The following IGF2BP2 variants were observed in gnomAD, a reference collection of about 807,000 sequenced individuals.
IGF2BP2 encodes the protein insulin like growth factor 2 mRNA binding protein 2.
Under a neutral mutation model 75.8 loss-of-function variants are expected in IGF2BP2, and 17 were observed. The ratio of observed to expected loss-of-function variants is 0.22; its 90% CI spans 0.15 to 0.34. IGF2BP2 has a LOEUF of 0.34. IGF2BP2 is among the 10% of genes least tolerant of loss of function. The pLI, the probability that IGF2BP2 is intolerant of heterozygous loss-of-function variation, is 1.00. For missense variants in IGF2BP2, 516 were observed against 772.4 expected, an observed-to-expected ratio of 0.67 and a Z score of 3.93; for synonymous variants, 288 against 295.6, an observed-to-expected ratio of 0.97 and a Z score of 0.26.
chr3:185,732,495 C>T (rs1380744662), intron 2 of IGF2BP2, among the ~76,000 whole-genome samples: 1 of 152,104 alleles, frequency 6.6e-6, no homozygotes, highest in Non-Finnish European at 1.5e-5. Context: ...TGGTGTGAAA[C>T]CTGAAACTGT....
intron 15 of IGF2BP2, among the ~76,000 whole-genome samples, chr3:185,646,620 C>T (rs1418967876): frequency 1.3e-5 from 2 of 152,142 alleles, no homozygotes; most frequent in African/African-American, 2.4e-5. Flanking sequence ...TAGTCTTTCA[C>T]AGGGAGTGCT....
chr3:185,822,992 A>T (rs928125920), intron 2 of IGF2BP2, among the ~76,000 whole-genome samples, 161 bp downstream of exon 2: 1 of 145,640 alleles, frequency 6.9e-6, no homozygotes, highest in African/African-American at 2.5e-5. Context: ...AATGAAAGTA[A>T]AAAAAAAAAA....
intron 2 of IGF2BP2, among the ~76,000 whole-genome samples, chr3:185,756,581 C>T (rs914791073): frequency 6.6e-6 from 1 of 152,160 alleles, no homozygotes; most frequent in Non-Finnish European, 1.5e-5. Context: ...TATTACCCAA[C>T]ACCTAAACAT....
Position 185,645,752 on chromosome 3 carries a change from C to T in IGF2BP2, c.1708-129G>A. The T allele has an allele frequency of 5.8e-6, 4 of 687,568 alleles. No homozygotes were observed. Among genetic ancestry groups the T allele is most frequent in the Non-Finnish European group, 1.1e-5 (4 of 378,736 alleles). 42.6% of individuals were successfully genotyped at this position (687,568 alleles called of 1,614,324 possible). On this transcript the variant is annotated intron_variant, in intron 15 of 15. Coordinates refer to ENST00000382199, the MANE Select transcript of IGF2BP2 (RefSeq NM_006548.6). This position sits in a 1 kb window ranked among gnomAD's most constrained non-coding sequence, Gnocchi z 4.9. ...GAATGCTCAGACAAGCATCATCTAC[C>T]CACCCCCGCACGTTACTCCAGGCCC...
At chr3:185,781,563 C>A (rs890210451) in intron 2 of IGF2BP2, among the ~76,000 whole-genome samples, 15 of 152,142 alleles carry the variant, frequency 9.9e-5, no homozygotes, top group African/African-American at 3.4e-4. Context: ...TAAAATAATA[C>A]AACTGACTTC....
At chr3:185,713,843 G>A (rs1312844977) in intron 2 of IGF2BP2, among the ~76,000 whole-genome samples, 1 of 152,144 alleles carries the variant, frequency 6.6e-6, no homozygotes, top group Non-Finnish European at 1.5e-5. Context: ...TGGGATTACA[G>A]GCACCCACCA....
At chr3:185,687,257 G>C in intron 6 of IGF2BP2, 66 bp from the exon 7 acceptor site, 1 of 1,501,768 alleles carries the variant, frequency 6.7e-7, no homozygotes, top group Non-Finnish European at 8.9e-7. Flanking sequence ...CCCCAAGAAA[G>C]CGTCACACCA....
chr3:185,660,638 T>C (rs1252425390), intron 10 of IGF2BP2, among the ~76,000 whole-genome samples: 2 of 152,180 alleles, frequency 1.3e-5, no homozygotes, highest in Non-Finnish European at 2.9e-5. Flanking sequence ...ATCAGCAGTC[T>C]CTTGGCAAGC....
intron 7 of IGF2BP2, among the ~76,000 whole-genome samples, chr3:185,684,591 G>C (rs1720853032): frequency 6.6e-6 from 1 of 152,060 alleles, no homozygotes; most frequent in African/African-American, 2.4e-5. Context: ...TTTTAGTAGA[G>C]ACAGGGTTTC....
chr3:185,667,426 T>A (rs1221930052), intron 10 of IGF2BP2, among the ~76,000 whole-genome samples: 1 of 152,072 alleles, frequency 6.6e-6, no homozygotes, highest in Non-Finnish European at 1.5e-5. Flanking sequence ...TAGTGTGCTA[T>A]AATTGTGCCT....
chr3:185,721,783 T>C (rs1256826507), intron 2 of IGF2BP2, among the ~76,000 whole-genome samples: 1 of 152,126 alleles, frequency 6.6e-6, no homozygotes, highest in African/African-American at 2.4e-5. Flanking sequence ...GTGAGTTCCT[T>C]TGACATCAGG....
chr3:185,700,228 C>A (rs575948404), intron 2 of IGF2BP2, among the ~76,000 whole-genome samples: 10 of 152,044 alleles, frequency 6.6e-5, no homozygotes, highest in Admixed American at 3.3e-4. Flanking sequence ...CACAGAGGTA[C>A]AGAGATGGAA....
chr3:185,645,246 A>C lies in IGF2BP2; in HGVS notation c.*285T>G. On this transcript the variant is annotated 3_prime_UTR_variant, in exon 16 of 16. Coordinates refer to ENST00000382199, the MANE Select transcript of IGF2BP2 (RefSeq NM_006548.6). This position sits in a 1 kb window ranked among gnomAD's most constrained non-coding sequence, Gnocchi z 4.9. ...AGGGATAGCGTCGTGGGAGTTCAGGAGAGATCCGAGTGGATGGTGAAGTGG... is the reference window on the plus strand; with the variant it reads ...AGGGATAGCGTCGTGGGAGTTCAGGCGAGATCCGAGTGGATGGTGAAGTGG... The C allele has an allele frequency of 1.0e-5, 5 of 490,900 alleles. No homozygotes were observed. The highest frequency in any genetic ancestry group is 3.3e-5 in the East Asian group (1 of 30,260). 30.4% of individuals were successfully genotyped at this position (490,900 alleles called of 1,614,324 possible). A position where few individuals can be genotyped will look rare whatever the true frequency, so the allele number is the denominator to read the frequency against.
Position 185,645,175 on chromosome 3 carries a change from A to G in IGF2BP2, c.*356T>C. ...GATTTGCCACAGAAAAAGGGTGTGC[A>G]TTTTGCTTGGCTTTGAACACGTTCA... On this transcript the variant is annotated 3_prime_UTR_variant, in exon 16 of 16. Coordinates refer to ENST00000382199, the MANE Select transcript of IGF2BP2 (RefSeq NM_006548.6). This position sits in a 1 kb window ranked among gnomAD's most constrained non-coding sequence, Gnocchi z 4.9. The G allele has an allele frequency of 3.7e-6, 1 of 272,854 alleles. No individual in the cohort carries two copies. 16.9% of individuals were successfully genotyped at this position (272,854 alleles called of 1,614,324 possible).
chr3:185,686,992 G>A (rs1424419732), intron 7 of IGF2BP2, 65 bp downstream of exon 7: 2 of 1,560,996 alleles, frequency 1.3e-6, no homozygotes, highest in Non-Finnish European at 1.7e-6. Flanking sequence ...AACCTCTTGG[G>A]TTAAATGAGG....
chr3:185,692,744 G>C lies in IGF2BP2; in HGVS notation c.359C>G (p.Thr120Ser), dbSNP rs1722112394. The C allele has an allele frequency of 6.2e-7, 1 of 1,613,828 alleles. No homozygotes were observed. The highest frequency in any genetic ancestry group is 8.5e-7 in the Non-Finnish European group (1 of 1,179,906). The change falls in exon 5 of 16, where the codon ACC (threonine) becomes AGC (serine). Residue 120 changes from threonine to serine, a missense_variant. Thr to Ser is a moderately conservative substitution (Grantham distance 58, BLOSUM62 1). Transcript: ENST00000382199. ...NVEQVNTDTE[T>S]AVVNVTYATR... ...TGCATATGTGACGTTGACAACGGCG[G>C]TTTCTGTGTCTGTGTTGACTAGGGA... is the stretch of plus-strand genomic sequence containing the variant.
chr3:185,766,289 T>C (rs1434766252), intron 2 of IGF2BP2, among the ~76,000 whole-genome samples: 1 of 152,186 alleles, frequency 6.6e-6, no homozygotes, highest in East Asian at 1.9e-4. Flanking sequence ...ATTTAAAATA[T>C]TTTAAATTTA....
intron 5 of IGF2BP2, among the ~76,000 whole-genome samples, chr3:185,691,142 AGGCT>A (rs1721899912): frequency 6.6e-6 from 1 of 152,086 alleles, no homozygotes; most frequent in Non-Finnish European, 1.5e-5. Context: ...CTTATTGACC[AGGCT>A]GGAGTGCAAT....
chr3:185,749,130 T>C (rs957345574), intron 2 of IGF2BP2, among the ~76,000 whole-genome samples: 1 of 152,126 alleles, frequency 6.6e-6, no homozygotes, highest in Non-Finnish European at 1.5e-5. Context: ...CGCCATTGCA[T>C]TCCAGCCTAG....
Sources: allele counts gnomAD v4.1 joint callset (sites outside exome capture counted in the v4.1 genomes callset), GRCh38; gene constraint gnomAD v4.1.1; non-coding constraint Gnocchi (gnomAD v3.1); transcripts MANE v1.5; gene names NCBI Gene and HGNC (gene_info 2026-07-23, HGNC 2026-07-21).